The following BPTF variants were observed in gnomAD, a reference collection of about 807,000 sequenced individuals.
BPTF encodes nucleosome-remodeling factor subunit BPTF.
A neutral mutation model predicts 292.5 loss-of-function variants in BPTF; 18 were observed. The observed-to-expected ratio is 0.06, with a 90% CI of 0.04 to 0.09. The LOEUF (loss-of-function observed/expected upper bound fraction) is 0.09, where lower values mean the gene tolerates loss of function less well. BPTF is among the 10% of genes least tolerant of loss of function. BPTF has a pLI of 1.00. For synonymous variants in BPTF, 1,225 were observed against 1,251.9 expected, an observed-to-expected ratio of 0.98 and a Z score of 0.45; for missense variants, 2,726 against 3,498.7, an observed-to-expected ratio of 0.78 and a Z score of 5.57.
intron 19 of BPTF, 151 bp from the exon 20 acceptor site, chr17:67,943,999 A>T: frequency 3.0e-6 from 2 of 672,458 alleles, no homozygotes; most frequent in South Asian, 1.9e-5. Context: ...AAATATTCTT[A>T]CTTTAGCTTA....
At chr17:67,902,452 C>G (rs946115236) in intron 7 of BPTF, among the ~76,000 whole-genome samples, 4 of 152,324 alleles carry the variant, frequency 2.6e-5, no homozygotes, top group Non-Finnish European at 5.9e-5. Flanking sequence ...GCCTACAGAG[C>G]TAGTCCTTCT....
At chr17:67,900,171 C>T (rs1260712217) in intron 7 of BPTF, among the ~76,000 whole-genome samples, 1 of 152,076 alleles carries the variant, frequency 6.6e-6, no homozygotes, top group South Asian at 2.1e-4. Context: ...GTGGCGCCAT[C>T]TCGGCTCACT....
In BPTF at chr17:67,882,280, G is replaced by A. The variant is rs2060474638; in HGVS notation, c.1864+7260G>A. 2.0e-5 allele frequency among the ~76,000 whole-genome samples: 3 copies of A among 152,130 alleles called. No individual in the cohort carries two copies. In the South Asian group the frequency reaches 6.2e-4, roughly 32 times the overall value. ...TTTAGAGACCACAGTCTAGACTCAGGGATACTTTTTGTTGTTGGGCTCTCA... is the reference window on the plus strand; with the variant it reads ...TTTAGAGACCACAGTCTAGACTCAGAGATACTTTTTGTTGTTGGGCTCTCA... On this transcript the variant is annotated intron_variant, in intron 4 of 27. Coordinates refer to ENST00000306378, the MANE Select transcript of BPTF (RefSeq NM_182641.4).
intron 18 of BPTF, among the ~76,000 whole-genome samples, chr17:67,933,177 G>A (rs998125612): frequency 1.3e-5 from 2 of 151,782 alleles, no homozygotes. Context: ...AGAGTCGCTT[G>A]AACCCAGGAG....
At position 67,828,920 on chromosome 17, in the gene BPTF, C is replaced by T. The variant is rs2056378083; in HGVS notation, c.613+2583C>T. Among the ~76,000 whole-genome samples the T allele has an allele frequency of 3.3e-5, 5 of 152,152 alleles. No individual in the cohort carries two copies. The South Asian group carries it at 1.0e-3, about 32-fold the overall frequency. Reference sequence around the variant, plus strand: ...CTTAGAGATAAGTATTGAGCTTATTCCCCCTGCAGCTCCTGTAACAGAGTT... The same window carrying T: ...CTTAGAGATAAGTATTGAGCTTATTTCCCCTGCAGCTCCTGTAACAGAGTT... On this transcript the variant is annotated intron_variant, in intron 1 of 27. Coordinates refer to ENST00000306378, the MANE Select transcript of BPTF (RefSeq NM_182641.4).
chr17:67,849,956 C>T (rs1159914689), intron 1 of BPTF, among the ~76,000 whole-genome samples: 1 of 151,788 alleles, frequency 6.6e-6, no homozygotes, highest in Non-Finnish European at 1.5e-5. Context: ...AAAAAAAATT[C>T]AGGTTCTCAG....
chr17:67,929,939 A>G (rs1378059691), intron 17 of BPTF, among the ~76,000 whole-genome samples: 1 of 150,758 alleles, frequency 6.6e-6, no homozygotes, highest in East Asian at 1.9e-4. Flanking sequence ...AACATGGCAA[A>G]ACCCCATCTC....
rs1252806958 is a variant in BPTF, at chr17:67,913,278, A to G, written c.5303+91A>G. ...TCTCATTTTTAAAAAATGAGATAAT[A>G]GAGATAAGACAGGAAACATATTAAT... On this transcript the variant is annotated intron_variant, in intron 11 of 27. Transcript: ENST00000306378. The G allele has an allele frequency of 6.1e-6, 9 of 1,466,056 alleles. No homozygotes were observed. In the East Asian group the frequency reaches 1.8e-4, roughly 30 times the overall value. The allele number at this position is 1,466,056 out of a possible 1,614,324, so 90.8% of individuals were successfully genotyped here. A position where few individuals can be genotyped will look rare whatever the true frequency, so the allele number is the denominator to read the frequency against.
chr17:67,831,052 G>A (rs2056622758), intron 1 of BPTF, among the ~76,000 whole-genome samples: 1 of 152,150 alleles, frequency 6.6e-6, no homozygotes, highest in Non-Finnish European at 1.5e-5. Flanking sequence ...TTGGGTATTG[G>A]GATGATCGGA....
At position 67,842,526 on chromosome 17, in the gene BPTF, G is replaced by C. The variant is rs536408113; in HGVS notation, c.614-11414G>C. Among the ~76,000 whole-genome samples the C allele has an allele frequency of 8.5e-5, 13 of 152,116 alleles. 1 individual carries two copies. The East Asian group carries it at 2.5e-3, about 29-fold the overall frequency. On this transcript the variant is annotated intron_variant, in intron 1 of 27. Coordinates refer to ENST00000306378, the MANE Select transcript of BPTF (RefSeq NM_182641.4). Reference sequence around the variant, plus strand: ...TTATGTATTTCCAACTTTCTGTGCTGTCCCAGATAAACTCCACATTGTAGG... The same window carrying C: ...TTATGTATTTCCAACTTTCTGTGCTCTCCCAGATAAACTCCACATTGTAGG...
At chr17:67,846,523 C>G (rs1287514408) in intron 1 of BPTF, among the ~76,000 whole-genome samples, 1 of 152,190 alleles carries the variant, frequency 6.6e-6, no homozygotes, top group Non-Finnish European at 1.5e-5. Flanking sequence ...GTTCAGGTCT[C>G]ATACTTTATA....
intron 23 of BPTF, among the ~76,000 whole-genome samples, chr17:67,958,992 A>C (rs1471292581): frequency 2.0e-5 from 3 of 152,226 alleles, no homozygotes; most frequent in Non-Finnish European, 4.4e-5. Flanking sequence ...TTTTAAAAAA[A>C]GAAAATAGTG....
At chr17:67,856,312 T>TA (rs956125563) in intron 2 of BPTF, among the ~76,000 whole-genome samples, 3 of 152,006 alleles carry the variant, frequency 2.0e-5, no homozygotes, top group East Asian at 3.9e-4. Context: ...AATCTTCCTT[T>TA]AAAAAAAATA....
intron 4 of BPTF, among the ~76,000 whole-genome samples, chr17:67,890,174 A>G (rs930620768): frequency 3.3e-5 from 5 of 152,214 alleles, no homozygotes; most frequent in African/African-American, 1.2e-4. Flanking sequence ...TTTAGAATTT[A>G]CTGGTTTTGA....
chr17:67,877,839 C>T (rs9906619), intron 4 of BPTF, among the ~76,000 whole-genome samples: 15,316 of 152,104 alleles, frequency 0.1, 2,639 homozygotes, highest in African/African-American at 0.35. Context: ...CACTGTGTTG[C>T]CCAGGCCAGT....
At chr17:67,857,531 A>G (rs2058774216) in intron 2 of BPTF, among the ~76,000 whole-genome samples, 1 of 149,008 alleles carries the variant, frequency 6.7e-6, no homozygotes, top group African/African-American at 2.5e-5. Context: ...CAGTGACACT[A>G]TGTCGGCTAA....
chr17:67,913,143 A>G lies in BPTF; in HGVS notation c.5259A>G (p.Ile1753Met). 1 of 1,613,892 alleles carries G rather than the reference A, an allele frequency of 6.2e-7. No individual in the cohort carries two copies. Among genetic ancestry groups the G allele is most frequent in the Non-Finnish European group, 8.5e-7 (1 of 1,179,910 alleles). Reference sequence around the variant, plus strand: ...ACAATGCAAAACCTGCTTTGGATATATGGCCATATCCTTCTCCTAGACCGA... The same window carrying G: ...ACAATGCAAAACCTGCTTTGGATATGTGGCCATATCCTTCTCCTAGACCGA... ...FNYNAKPALDIWPYPSPRPTF... is the reference protein window; with the variant it reads ...FNYNAKPALDMWPYPSPRPTF... Residue 1753 changes from isoleucine (I) to methionine (M), a missense_variant, in exon 11 of 28, where the codon ATA becomes ATG. Ile to Met is a conservative substitution (Grantham distance 10). This residue lies in a region of BPTF where 36 missense variants were observed against 34.7 expected (regional missense o/e 1.04). Coordinates refer to ENST00000306378, the MANE Select transcript of BPTF (RefSeq NM_182641.4).
intron 2 of BPTF, among the ~76,000 whole-genome samples, chr17:67,855,562 G>C (rs544059054): frequency 3.9e-5 from 6 of 152,210 alleles, no homozygotes; most frequent in African/African-American, 1.4e-4. Context: ...GAGGGTCATA[G>C]TCTGGCCTCA....
At chr17:67,890,138 A>T (rs963512406) in intron 4 of BPTF, among the ~76,000 whole-genome samples, 1 of 152,212 alleles carries the variant, frequency 6.6e-6, no homozygotes, top group African/African-American at 2.4e-5. Context: ...TTTGGAGTCA[A>T]AATCTTAAAA....
Sources: gnomAD v4.1 joint callset for allele counts (sites outside exome capture counted in the v4.1 genomes callset) on GRCh38, gnomAD v4.1.1 for gene constraint, gnomAD v4.1.1 regional missense constraint, MANE v1.5 for transcripts, NCBI Gene and HGNC (gene_info 2026-07-23, HGNC 2026-07-21) for gene names.